RPL28: variants seen among roughly 807,000 people sequenced by gnomAD.
RPL28 encodes large ribosomal subunit protein eL28.
In RPL28, 4 loss-of-function variants were observed where a neutral mutation model predicts 12.5. That is an observed-to-expected ratio of 0.32 (90% CI 0.16 to 0.73). The LOEUF is 0.73. RPL28 is among the 30% of genes least tolerant of loss of function. RPL28 has a pLI of 0.66. For missense variants in RPL28, 214 were observed against 197.7 expected (o/e 1.08, Z -0.49); for synonymous variants, 91 against 72.5 (o/e 1.26, Z -1.30).
downstream of RPL28, among the ~76,000 whole-genome samples, chr19:55,393,341 C>T (rs2090003759): frequency 6.6e-6 from 1 of 150,856 alleles, no homozygotes; most frequent in Non-Finnish European, 1.5e-5. Context: ...TCTCCCCAGC[C>T]TCCTTAGGCT....
downstream of RPL28, among the ~76,000 whole-genome samples, chr19:55,396,690 C>T (rs1222550387): frequency 1.4e-5 from 2 of 146,644 alleles, no homozygotes; most frequent in Non-Finnish European, 3.0e-5. Context: ...ACGCCATTCT[C>T]CTGCCTCAGC....
chr19:55,399,187 G>T (rs767033688), intron 4 of RPL28, among the ~76,000 whole-genome samples: 7 of 151,688 alleles, frequency 4.6e-5, no homozygotes, highest in Non-Finnish European at 5.9e-5. Flanking sequence ...TTTTCTTTGA[G>T]ACAGAGTCTC....
At chr19:55,395,961 T>C (rs1275153993), downstream of RPL28, among the ~76,000 whole-genome samples, 1 of 152,176 alleles carries the variant, frequency 6.6e-6, no homozygotes, top group Admixed American at 6.5e-5. Context: ...ACAAGGCATA[T>C]TGCACCTTGC....
exon 5 of RPL28, chr19:55,402,943 C>T: frequency 6.6e-7 from 1 of 1,515,028 alleles, no homozygotes; most frequent in Non-Finnish European, 8.8e-7. Context: ...TTTTTTTCAG[C>T]TTGCGGGAAG....
chr19:55,396,708 G>A (rs1204651661), downstream of RPL28, among the ~76,000 whole-genome samples: 2 of 145,872 alleles, frequency 1.4e-5, no homozygotes. Flanking sequence ...AGCCTCCCGA[G>A]TAACTGGGAC....
In RPL28 at chr19:55,389,470, T is replaced by C; in HGVS notation, c.*1138T>C. 1.0e-6 allele frequency: 1 copy of C among 985,442 alleles called. No individual in the cohort carries two copies. The highest frequency in any genetic ancestry group is 1.2e-6 in the Non-Finnish European group (1 of 829,946). 61.0% of individuals were successfully genotyped at this position (985,442 alleles called of 1,614,324 possible). A position where few individuals can be genotyped will look rare whatever the true frequency, so the allele number is the denominator to read the frequency against. Reference sequence around the variant, plus strand: ...ATCCAGCATCCATGGCACCCCTGGTTCCTGCCATCCTGGGGTACCCGATTC... The same window carrying C: ...ATCCAGCATCCATGGCACCCCTGGTCCCTGCCATCCTGGGGTACCCGATTC... On this transcript the variant is annotated 3_prime_UTR_variant, in exon 5 of 5. Coordinates refer to ENST00000344063, the MANE Select transcript of RPL28 (RefSeq NM_000991.5).
Position 55,391,865 on chromosome 19 carries a change from AAG to A in RPL28, c.*3535_*3536del. ...ATGCTCGTGTTTCCCAAGCACCTGGAAGACATGCCAGATCCATGTGCAGTAAT... is the reference window on the plus strand; with the variant it reads ...ATGCTCGTGTTTCCCAAGCACCTGGAACATGCCAGATCCATGTGCAGTAAT... On this transcript the variant is annotated 3_prime_UTR_variant, in exon 5 of 5. Coordinates refer to ENST00000344063, the MANE Select transcript of RPL28 (RefSeq NM_000991.5). 7.2e-7 allele frequency: 1 copy of A among 1,385,930 alleles called. No individual in the cohort carries two copies. The highest frequency in any genetic ancestry group is 9.4e-7 in the Non-Finnish European group (1 of 1,062,336). The allele number at this position is 1,385,930 out of a possible 1,614,324, so 85.9% of individuals were successfully genotyped here.
chr19:55,386,342 C>G lies in RPL28; in HGVS notation c.-8-8C>G. The G allele has an allele frequency of 6.2e-7, 1 of 1,612,868 alleles. No individual in the cohort carries two copies. The highest frequency in any genetic ancestry group is 8.5e-7 in the Non-Finnish European group (1 of 1,179,506). Reference sequence around the variant, plus strand: ...TCTGACGCTTTCCCTGTGCCCGTTTCCCCGCAGCCGCCGCCATGTCTGCGC... The same window carrying G: ...TCTGACGCTTTCCCTGTGCCCGTTTGCCCGCAGCCGCCGCCATGTCTGCGC... On this transcript the variant is annotated splice_polypyrimidine_tract_variant and splice_region_variant and intron_variant, in intron 1 of 4. Transcript: ENST00000344063.
chr19:55,397,657 G>GGC (rs2090032800), intron 4 of RPL28, among the ~76,000 whole-genome samples: 1 of 151,930 alleles, frequency 6.6e-6, no homozygotes, highest in South Asian at 2.1e-4. Context: ...TGGGATTATA[G>GGC]GTGAGCCACC....
rs1231775753 is a variant in RPL28, at chr19:55,389,533, G to C, written c.*1201G>C. 1.0e-6 allele frequency: 1 copy of C among 985,344 alleles called. No homozygotes were observed. Among genetic ancestry groups the C allele is most frequent in the African/African-American group, 1.7e-5 (1 of 57,242 alleles). The allele number at this position is 985,344 out of a possible 1,614,324, so 61.0% of individuals were successfully genotyped here. On this transcript the variant is annotated 3_prime_UTR_variant, in exon 5 of 5. Coordinates refer to ENST00000344063, the MANE Select transcript of RPL28 (RefSeq NM_000991.5). ...TGCTCCCTGTCTGAGACCACCCCCGGCTCTGACTGAGAGTAAGGGGACTGT... is the reference window on the plus strand; with the variant it reads ...TGCTCCCTGTCTGAGACCACCCCCGCCTCTGACTGAGAGTAAGGGGACTGT...
rs765091710 is a variant in RPL28, at chr19:55,401,424, G to A, written c.325-1519G>A. On this transcript the variant is annotated intron_variant, in intron 4 of 4. Transcript: ENST00000560055. ...GAGGTTGGGGTCACGGTGGAAGGAG[G>A]AAGAGAGCCCACTACAGCCGCCGCA... The A allele has an allele frequency of 7.0e-6, 11 of 1,582,664 alleles. No individual in the cohort carries two copies. The African/African-American group carries it at 9.4e-5, about 14-fold the overall frequency.
intron 4 of RPL28, chr19:55,400,138 C>CT (rs1261266984): frequency 6.6e-6 from 1 of 152,132 alleles, no homozygotes; most frequent in Non-Finnish European, 1.5e-5. Flanking sequence ...CAAAAGCAGC[C>CT]TTTGAGTTTT....
rs7255648 is a variant in RPL28, at chr19:55,390,814, C to G, written c.*2482C>G. 0.077 allele frequency: 76,248 copies of G among 985,318 alleles called. 3,768 individuals carry two copies. The highest frequency in any genetic ancestry group is 0.23 in the African/African-American group (13,063 of 57,234). The allele number at this position is 985,318 out of a possible 1,614,324, so 61.0% of individuals were successfully genotyped here. On this transcript the variant is annotated 3_prime_UTR_variant, in exon 5 of 5. Coordinates refer to ENST00000344063, the MANE Select transcript of RPL28 (RefSeq NM_000991.5). ...AGGGAGGGAGATGGTCTCAGCCCCACAGAGTTTGGAGTCCTCAGTGTGCTG... is the reference window on the plus strand; with the variant it reads ...AGGGAGGGAGATGGTCTCAGCCCCAGAGAGTTTGGAGTCCTCAGTGTGCTG...
At chr19:55,395,127 C>CTTAT (rs139235393), downstream of RPL28, among the ~76,000 whole-genome samples, 4,033 of 151,736 alleles carry the variant, frequency 0.027, 169 homozygotes, top group African/African-American at 0.089. Flanking sequence ...TTTTCCTTTT[C>CTTAT]TTATTTATTT....
chr19:55,399,734 T>C (rs1355011830), intron 4 of RPL28: 1 of 152,188 alleles, frequency 6.6e-6, no homozygotes, highest in Non-Finnish European at 1.5e-5. Context: ...ATTGAGGAAC[T>C]CTGTCAGGGC....
rs7250200 is a variant in RPL28 at position 55,387,846 on chromosome 19, A to G, written c.206-84A>G. 0.013 allele frequency: 19,327 copies of G among 1,492,686 alleles called. 2,210 individuals are homozygous for G. The African/African-American group carries it at 0.24, about 19-fold the overall frequency. 92.5% of individuals were successfully genotyped at this position (1,492,686 alleles called of 1,614,324 possible). A position where few individuals can be genotyped will look rare whatever the true frequency, so the allele number is the denominator to read the frequency against. On this transcript the variant is annotated intron_variant, in intron 3 of 4. Coordinates refer to ENST00000344063, the MANE Select transcript of RPL28 (RefSeq NM_000991.5). ...CGGGCCCACGCTGCTCAGCTTCTCA[A>G]TGTGAGACTGTCCACACCTGCGAGG...
At chr19:55,397,176 G>C (rs1177831453) in intron 4 of RPL28, among the ~76,000 whole-genome samples, 1 of 152,122 alleles carries the variant, frequency 6.6e-6, no homozygotes, top group Non-Finnish European at 1.5e-5. Flanking sequence ...CACTACACCC[G>C]GCCTCCTTGT....
Position 55,401,158 on chromosome 19 carries a change from T to C in RPL28, c.325-1785T>C. On this transcript the variant is annotated intron_variant, in intron 4 of 4. Coordinates refer to the RPL28 transcript ENST00000560055. ...ACCTCAAACAGCAAGGCTGGTGAGC[T>C]AGATGGACCCACTGCTGCAGTCCAT... is the stretch of plus-strand genomic sequence containing the variant. 1.6e-5 allele frequency: 8 copies of C among 507,490 alleles called. No individual in the cohort carries two copies. In the South Asian group the frequency reaches 2.1e-4, roughly 13 times the overall value. The allele number at this position is 507,490 out of a possible 1,614,324, so 31.4% of individuals were successfully genotyped here. A position where few individuals can be genotyped will look rare whatever the true frequency, so the allele number is the denominator to read the frequency against.
At position 55,389,164 on chromosome 19, in the gene RPL28, T is replaced by C. The variant is rs1313185541; in HGVS notation, c.*832T>C. 7 of 980,398 alleles carry C rather than the reference T, an allele frequency of 7.1e-6. No homozygotes were observed. The highest frequency in any genetic ancestry group is 8.5e-6 in the Non-Finnish European group (7 of 825,534). 60.7% of individuals were successfully genotyped at this position (980,398 alleles called of 1,614,324 possible). ...TGAGGCCAGGAGTTTGAGACCATCC[T>C]AGGCAACATAATGAGACACCGTCTC... On this transcript the variant is annotated 3_prime_UTR_variant, in exon 5 of 5. Coordinates refer to ENST00000344063, the MANE Select transcript of RPL28 (RefSeq NM_000991.5).
Sources: allele counts gnomAD v4.1 joint callset (sites outside exome capture counted in the v4.1 genomes callset), GRCh38; gene constraint gnomAD v4.1.1; transcripts MANE v1.5; gene names NCBI Gene and HGNC (gene_info 2026-07-23, HGNC 2026-07-21).